The following CNTRL variants were observed in gnomAD, a reference collection of about 807,000 sequenced individuals.
CNTRL encodes the protein centriolin.
Under a neutral mutation model 303.7 loss-of-function variants are expected in CNTRL, and 233 were observed. That is an observed-to-expected ratio of 0.77 (90% CI 0.69 to 0.86). CNTRL has a LOEUF of 0.86. CNTRL is among the 40% of genes least tolerant of loss of function. The pLI is 0.00. For missense variants in CNTRL, 2,524 were observed against 2,650.6 expected, an observed-to-expected ratio of 0.95 and a Z score of 1.05; for synonymous variants, 900 against 922.2, an observed-to-expected ratio of 0.98 and a Z score of 0.44.
chr9:121,146,674 G>GC (rs1486314854), intron 23 of CNTRL, among the ~76,000 whole-genome samples: 1 of 152,210 alleles, frequency 6.6e-6, no homozygotes, highest in Non-Finnish European at 1.5e-5. Context: ...GAATGGTAAA[G>GC]CCCCTGCTCT....
chr9:121,141,697 AT>A, intron 18 of CNTRL, 109 bp downstream of exon 18: 1 of 1,048,376 alleles, frequency 9.5e-7, no homozygotes, highest in Non-Finnish European at 1.4e-6. Context: ...AATTGTTGTT[AT>A]TTTCACTTAT....
intron 15 of CNTRL, among the ~76,000 whole-genome samples, chr9:121,136,661 G>A (rs1213177515): frequency 6.6e-6 from 1 of 151,174 alleles, no homozygotes; most frequent in South Asian, 2.1e-4. Context: ...CTCCTTTTAG[G>A]GTTGGTTGAA....
rs1343960629 is a variant in CNTRL, at chr9:121,148,696, A to G, written c.3484A>G (p.Thr1162Ala). 4 of 1,613,734 alleles carry G rather than the reference A, an allele frequency of 2.5e-6. No homozygotes were observed. Among genetic ancestry groups the G allele is most frequent in the Non-Finnish European group, 3.4e-6 (4 of 1,179,800 alleles). Reference sequence around the variant, plus strand: ...GGTTTCCAGCCATAGTTCCCAGGCCACCAAGGACTCTGGTGTTGGCCTTAA... The same window carrying G: ...GGTTTCCAGCCATAGTTCCCAGGCCGCCAAGGACTCTGGTGTTGGCCTTAA... ...SKVSSHSSQA[T>A]KDSGVGLKYS... The change falls in exon 24 of 44, where the codon ACC (threonine) becomes GCC (alanine). Residue 1162 changes from threonine to alanine, a missense_variant. Transcript: ENST00000373855.
intron 8 of CNTRL, among the ~76,000 whole-genome samples, chr9:121,110,228 T>TG (rs1409010741): frequency 6.6e-6 from 1 of 152,154 alleles, no homozygotes; most frequent in Non-Finnish European, 1.5e-5. Context: ...TTAATTCCTG[T>TG]GCTTCAGTTT....
At chr9:121,124,128 G>A in intron 13 of CNTRL, 44 bp downstream of exon 13, 4 of 1,502,034 alleles carry the variant, frequency 2.7e-6, no homozygotes, top group South Asian at 1.3e-5. Flanking sequence ...TGTTATTGCT[G>A]GTAAAAGAAA....
chr9:121,151,014 G>A (rs1410734414), intron 25 of CNTRL, among the ~76,000 whole-genome samples: 1 of 152,128 alleles, frequency 6.6e-6, no homozygotes, highest in African/African-American at 2.4e-5. Flanking sequence ...ACACAGGTAT[G>A]GACAGCATAC....
rs1019227104 is a variant in CNTRL, at chr9:121,107,969, A to C, written c.976A>C (p.Ser326Arg). 6.3e-7 allele frequency: 1 copy of C among 1,586,856 alleles called. No homozygotes were observed. Among genetic ancestry groups the C allele is most frequent in the Non-Finnish European group, 8.5e-7 (1 of 1,171,660 alleles). ...GAAACAGAGCTGTGAGGAACTCAAG[A>C]GTGACTTAAACACAAAAAATGAATT... is the stretch of plus-strand genomic sequence containing the variant. ...LQKQSCEELK[S>R]DLNTKNELLK... The change falls in exon 8 of 44, where the codon AGT (serine) becomes CGT (arginine). Residue 326 changes from serine (S) to arginine (R), a missense_variant. Ser to Arg is a moderately radical substitution (Grantham distance 110). Coordinates refer to ENST00000373855, the MANE Select transcript of CNTRL (RefSeq NM_007018.6).
chr9:121,146,171 A>T lies in CNTRL; in HGVS notation c.3374A>T (p.Tyr1125Phe). The T allele has an allele frequency of 6.2e-7, 1 of 1,613,776 alleles. No homozygotes were observed. The highest frequency in any genetic ancestry group is 8.5e-7 in the Non-Finnish European group (1 of 1,179,916). The change falls in exon 23 of 44, where the codon TAT (tyrosine) becomes TTT (phenylalanine). Residue 1125 changes from tyrosine (Y) to phenylalanine (F), a missense_variant. Tyr to Phe is a conservative substitution (Grantham distance 22). Coordinates refer to ENST00000373855, the MANE Select transcript of CNTRL (RefSeq NM_007018.6). ...GCTGAACTTCGACGTGAAGTTTCTT[A>T]TCAGAATGATTACATAAGCAGCATG... is the stretch of plus-strand genomic sequence containing the variant. ...EIAELRREVSYQNDYISSMAD... is the reference protein window; with the variant it reads ...EIAELRREVSFQNDYISSMAD...
At chr9:121,136,991 A>G (rs1341966710) in intron 15 of CNTRL, among the ~76,000 whole-genome samples, 3 of 152,166 alleles carry the variant, frequency 2.0e-5, no homozygotes, top group Non-Finnish European at 4.4e-5. Context: ...TGAAAGGAGT[A>G]AAGGTAAGGT....
At chr9:121,137,103 A>G (rs751808302) in intron 15 of CNTRL, among the ~76,000 whole-genome samples, 2 of 152,150 alleles carry the variant, frequency 1.3e-5, no homozygotes, top group Non-Finnish European at 1.5e-5. Context: ...AGGAGTGAGG[A>G]AAGAGAATGA....
intron 2 of CNTRL, among the ~76,000 whole-genome samples, chr9:121,087,342 C>T (rs958823999): frequency 1.1e-4 from 16 of 151,948 alleles, no homozygotes; most frequent in African/African-American, 3.9e-4. Context: ...TGAGATATCA[C>T]GTAGGCAATT....
chr9:121,076,227 A>C (rs569561980), intron 1 of CNTRL, among the ~76,000 whole-genome samples: 4 of 152,342 alleles, frequency 2.6e-5, no homozygotes, highest in Admixed American at 6.5e-5. Context: ...AATCTTCTGC[A>C]TCTTGAGCTT....
At chr9:121,163,105 C>T (rs926753734) in intron 34 of CNTRL, among the ~76,000 whole-genome samples, 2 of 150,454 alleles carry the variant, frequency 1.3e-5, no homozygotes, top group African/African-American at 2.4e-5. Flanking sequence ...TTTGGGAGGC[C>T]GAGGCAGGAG....
intron 43 of CNTRL, among the ~76,000 whole-genome samples, chr9:121,175,544 C>T (rs139743600): frequency 6.6e-5 from 10 of 152,348 alleles, no homozygotes; most frequent in Admixed American, 4.6e-4. Flanking sequence ...GCTGGGATTA[C>T]AGGCGTGAGC....
At chr9:121,169,879 C>A in intron 39 of CNTRL, 63 bp downstream of exon 39, 1 of 1,308,692 alleles carries the variant, frequency 7.6e-7, no homozygotes, top group Non-Finnish European at 1.1e-6. Flanking sequence ...TAAACTGCAA[C>A]ACCACTTCAA....
At chr9:121,108,633 C>T (rs985180242) in intron 8 of CNTRL, among the ~76,000 whole-genome samples, 7 of 151,920 alleles carry the variant, frequency 4.6e-5, no homozygotes, top group African/African-American at 1.7e-4. Context: ...TTATCATTAA[C>T]CATTTAAAAA....
intron 7 of CNTRL, among the ~76,000 whole-genome samples, chr9:121,105,638 A>G (rs551668875): frequency 6.6e-5 from 10 of 152,358 alleles, no homozygotes; most frequent in Non-Finnish European, 1.3e-4. Flanking sequence ...GAGGCCAGCA[A>G]GGTAGGAGAA....
chr9:121,095,633 G>A (rs2048856935), intron 5 of CNTRL, among the ~76,000 whole-genome samples: 1 of 152,056 alleles, frequency 6.6e-6, no homozygotes, highest in African/African-American at 2.4e-5. Flanking sequence ...CCAAGAAAAT[G>A]ACTAGCAATG....
At position 121,135,609 on chromosome 9, in the gene CNTRL, A is replaced by G. The variant is rs113311472; in HGVS notation, c.2026-197A>G. 1.1e-3 allele frequency among the ~76,000 whole-genome samples: 174 copies of G among 152,290 alleles called. 1 individual carries two copies. The highest frequency in any genetic ancestry group is 2.8e-3 in the African/African-American group (115 of 41,556). On this transcript the variant is annotated intron_variant, in intron 14 of 43. Coordinates refer to ENST00000373855, the MANE Select transcript of CNTRL (RefSeq NM_007018.6). Reference sequence around the variant, plus strand: ...TGGGAGCTTACTGACTTTCTTGATTACATTTAGCCAGGGTTTTGTTTTCCA... The same window carrying G: ...TGGGAGCTTACTGACTTTCTTGATTGCATTTAGCCAGGGTTTTGTTTTCCA...
Sources: gnomAD v4.1 joint callset for allele counts (sites outside exome capture counted in the v4.1 genomes callset) on GRCh38, gnomAD v4.1.1 for gene constraint, MANE v1.5 for transcripts, NCBI Gene and HGNC (gene_info 2026-07-23, HGNC 2026-07-21) for gene names.